NPR3: variants seen among roughly 807,000 people sequenced by gnomAD.
NPR3 encodes the protein natriuretic peptide receptor 3.
Under a neutral mutation model 54.5 loss-of-function variants are expected in NPR3, and 34 were observed. That is an observed-to-expected ratio of 0.62 (90% CI 0.47 to 0.83). The LOEUF is 0.83. Among genes scored for constraint, NPR3 ranks in the 40% least tolerant of loss-of-function variants. NPR3 has a pLI of 0.00. For synonymous variants in NPR3, 289 were observed against 297.1 expected (o/e 0.97, Z 0.28); for missense variants, 674 against 720.8 (o/e 0.94, Z 0.74).
chr5:32,788,030 G>T lies in NPR3; in HGVS notation c.*1685G>T, dbSNP rs1742724376. Reference sequence around the variant, plus strand: ...GTGGAGGCAAAGGTAAGCGCAAGCTGCCTGTCCCAGATGCTGGCCCATGTG... The same window carrying T: ...GTGGAGGCAAAGGTAAGCGCAAGCTTCCTGTCCCAGATGCTGGCCCATGTG... On this transcript the variant is annotated 3_prime_UTR_variant, in exon 8 of 8. Coordinates refer to ENST00000265074, the MANE Select transcript of NPR3 (RefSeq NM_001204375.2). The T allele has an allele frequency of 6.6e-6, 1 of 152,260 alleles. No homozygotes were observed. Among genetic ancestry groups the T allele is most frequent in the Non-Finnish European group, 1.5e-5 (1 of 68,056 alleles). The allele number at this position is 152,260 out of a possible 1,614,324, so 9.4% of individuals were successfully genotyped here.
intron 3 of NPR3, among the ~76,000 whole-genome samples, chr5:32,751,974 G>C (rs1303551417): frequency 6.6e-6 from 1 of 152,158 alleles, no homozygotes; most frequent in African/African-American, 2.4e-5. Context: ...GGCCAAGCCA[G>C]GTGGATCACC....
At chr5:32,785,135 C>A (rs1742542781) in intron 7 of NPR3, among the ~76,000 whole-genome samples, 1 of 136,780 alleles carries the variant, frequency 7.3e-6, no homozygotes. Context: ...CCTTTGATCA[C>A]AGATTTTTTT....
At chr5:32,750,086 C>T (rs1272982598) in intron 3 of NPR3, among the ~76,000 whole-genome samples, 1 of 152,158 alleles carries the variant, frequency 6.6e-6, no homozygotes, top group Non-Finnish European at 1.5e-5. Context: ...TCTGTGTACA[C>T]TTTGGTTGTA....
intron 3 of NPR3, among the ~76,000 whole-genome samples, chr5:32,753,231 G>A (rs1328955599): frequency 6.6e-6 from 1 of 151,966 alleles, no homozygotes; most frequent in Non-Finnish European, 1.5e-5. Flanking sequence ...AAGATGTTTT[G>A]CAATAATGGT....
intron 3 of NPR3, among the ~76,000 whole-genome samples, chr5:32,773,860 C>T (rs1204292720): frequency 1.3e-5 from 2 of 152,114 alleles, no homozygotes; most frequent in African/African-American, 4.8e-5. Flanking sequence ...CTTGCAATTC[C>T]CTCTTGAAGC....
In NPR3 at chr5:32,699,816, A is replaced by G. The variant is rs1206010263; in HGVS notation, c.100+10630A>G. 2.0e-5 allele frequency among the ~76,000 whole-genome samples: 3 copies of G among 152,102 alleles called. No homozygotes were observed. The East Asian group carries it at 5.8e-4, about 29-fold the overall frequency. ...GTTTTGTACCTTCAGATGGTTTCTTATTGCTCATTAATGTCCTTTTCTTTC... is the reference window on the plus strand; with the variant it reads ...GTTTTGTACCTTCAGATGGTTTCTTGTTGCTCATTAATGTCCTTTTCTTTC... On this transcript the variant is annotated intron_variant, in intron 1 of 5. Transcript: ENST00000509104.
chr5:32,724,838 T>C lies in NPR3; in HGVS notation c.892+18T>C, dbSNP rs771866588. On this transcript the variant is annotated intron_variant, in intron 2 of 7. Transcript: ENST00000265074. ...TTCCTATGGTAACTCTGCTTCCACT[T>C]TCCCCTCCTCTGCTAGGGTTCCAAG... 3.1e-6 allele frequency: 5 copies of C among 1,613,570 alleles called. No individual in the cohort carries two copies. The highest frequency in any genetic ancestry group is 3.4e-6 in the Non-Finnish European group (4 of 1,179,792).
At chr5:32,750,112 T>C (rs1219007315) in intron 3 of NPR3, among the ~76,000 whole-genome samples, 1 of 152,150 alleles carries the variant, frequency 6.6e-6, no homozygotes, top group Non-Finnish European at 1.5e-5. Context: ...TCAGTTCTAT[T>C]GAGTCAGTTA....
At chr5:32,752,598 A>G (rs1313600671) in intron 3 of NPR3, among the ~76,000 whole-genome samples, 1 of 152,294 alleles carries the variant, frequency 6.6e-6, no homozygotes, top group East Asian at 1.9e-4. Context: ...TAATTTGTCC[A>G]TATAAAAAGG....
At chr5:32,734,789 T>A (rs771419058) in intron 2 of NPR3, among the ~76,000 whole-genome samples, 2 of 152,198 alleles carry the variant, frequency 1.3e-5, no homozygotes, top group Non-Finnish European at 2.9e-5. Context: ...GCTGAATTTT[T>A]AATTTTAATT....
In NPR3 at chr5:32,786,358, A is replaced by G; in HGVS notation, c.*13A>G. The G allele has an allele frequency of 8.5e-7, 1 of 1,170,998 alleles. No homozygotes were observed. The highest frequency in any genetic ancestry group is 2.1e-5 in the Admixed American group (1 of 47,962). 72.5% of individuals were successfully genotyped at this position (1,170,998 alleles called of 1,614,324 possible). ...TTCAGTAGCTTAAAGGAAGCCCCCC[A>G]CTTTTTTTTTTTCTGCCTGAGATTC... On this transcript the variant is annotated 3_prime_UTR_variant, in exon 8 of 8. Coordinates refer to ENST00000265074, the MANE Select transcript of NPR3 (RefSeq NM_001204375.2).
At position 32,786,656 on chromosome 5, in the gene NPR3, T is replaced by C; in HGVS notation, c.*311T>C. 1 of 247,552 alleles carries C rather than the reference T, an allele frequency of 4.0e-6. No homozygotes were observed. 15.3% of individuals were successfully genotyped at this position (247,552 alleles called of 1,614,324 possible). A position where few individuals can be genotyped will look rare whatever the true frequency, so the allele number is the denominator to read the frequency against. On this transcript the variant is annotated 3_prime_UTR_variant, in exon 8 of 8. Transcript: ENST00000265074. ...TGTTGTCTCCATATCTTGATGGCTT[T>C]TGGGAGCATTTCACACAAGGATATA... is the stretch of plus-strand genomic sequence containing the variant.
At chr5:32,772,842 A>G (rs1383064562) in intron 3 of NPR3, among the ~76,000 whole-genome samples, 1 of 152,168 alleles carries the variant, frequency 6.6e-6, no homozygotes, top group African/African-American at 2.4e-5. Flanking sequence ...CATTTTCCAG[A>G]TGAGGAAACC....
At position 32,731,979 on chromosome 5, in the gene NPR3, C is replaced by T. The variant is rs183821962; in HGVS notation, c.893-6885C>T. On this transcript the variant is annotated intron_variant, in intron 2 of 7. Transcript: ENST00000265074. ...ATTCTCGGCCGGGCGCGGTGGCTCA[C>T]GCCTGTAATCCCAGCACTTTGGGAG... Among the ~76,000 whole-genome samples the T allele has an allele frequency of 2.0e-3, 301 of 152,134 alleles. 1 individual carries two copies. Among genetic ancestry groups the T allele is most frequent in the Middle Eastern group, 0.01 (3 of 294 alleles).
At chr5:32,752,533 G>C (rs73076091) in intron 3 of NPR3, among the ~76,000 whole-genome samples, 1 of 152,162 alleles carries the variant, frequency 6.6e-6, no homozygotes, top group African/African-American at 2.4e-5. Flanking sequence ...ATAGAAGGAG[G>C]CTTTCTCCTC....
At chr5:32,691,605 ATCC>A (rs1321681303) in intron 1 of NPR3, among the ~76,000 whole-genome samples, 1 of 152,262 alleles carries the variant, frequency 6.6e-6, no homozygotes, top group Admixed American at 6.5e-5. Context: ...TACTGAAGGA[ATCC>A]TCCTTGTAGA....
chr5:32,712,554 G>C lies in NPR3; in HGVS notation c.769+9G>C. 2 of 1,505,410 alleles carry C rather than the reference G, an allele frequency of 1.3e-6. No individual in the cohort carries two copies. Among genetic ancestry groups the C allele is most frequent in the African/African-American group, 1.4e-5 (1 of 72,124 alleles). 93.3% of individuals were successfully genotyped at this position (1,505,410 alleles called of 1,614,324 possible). On this transcript the variant is annotated intron_variant, in intron 1 of 7. Coordinates refer to ENST00000265074, the MANE Select transcript of NPR3 (RefSeq NM_001204375.2). The stretch of plus-strand genomic sequence containing the variant: ...CCAGGCCAGTGAGAGAGGTGAGCAG[G>C]GGCGCGTCCCGGGCCCCGGGCCCTA...
chr5:32,753,881 A>G (rs946614655), intron 3 of NPR3, among the ~76,000 whole-genome samples: 3 of 152,182 alleles, frequency 2.0e-5, no homozygotes, highest in African/African-American at 4.8e-5. Flanking sequence ...AGGCCACTTG[A>G]TGGCCACATT....
In NPR3 at chr5:32,758,688, G is replaced by A. The variant is rs1425096009; in HGVS notation, c.1060-16020G>A. ...TCTTGCTTCTCTAGTTCTTTTAATT[G>A]TGATGTTAGGGTGTCAATTTTAGAT... On this transcript the variant is annotated intron_variant, in intron 3 of 7. Transcript: ENST00000265074. 2.0e-5 allele frequency among the ~76,000 whole-genome samples: 3 copies of A among 152,134 alleles called. No individual in the cohort carries two copies. In the East Asian group the frequency reaches 5.8e-4, roughly 29 times the overall value.
Sources: allele counts gnomAD v4.1 joint callset (sites outside exome capture counted in the v4.1 genomes callset), GRCh38; gene constraint gnomAD v4.1.1; transcripts MANE v1.5; gene names NCBI Gene and HGNC (gene_info 2026-07-23, HGNC 2026-07-21).